PCDH15: variants seen among roughly 807,000 people sequenced by gnomAD.
PCDH15 encodes protocadherin-15.
PCDH15 carries 129 observed loss-of-function variants against 178.5 expected under a neutral mutation model. That is an observed-to-expected ratio of 0.72 (90% CI 0.63 to 0.84). The LOEUF (loss-of-function observed/expected upper bound fraction) is 0.84, where lower values mean the gene tolerates loss of function less well. Among genes scored for constraint, PCDH15 ranks in the 40% least tolerant of loss-of-function variants. PCDH15 has a pLI of 0.00. For synonymous variants in PCDH15, 800 were observed against 732.0 expected, an observed-to-expected ratio of 1.09 and a Z score of -1.50; for missense variants, 2,230 against 2,099.9, an observed-to-expected ratio of 1.06 and a Z score of -1.21.
chr10:54,912,360 G>A (rs1335799371), intron 2 of PCDH15, among the ~76,000 whole-genome samples: 1 of 151,966 alleles, frequency 6.6e-6, no homozygotes, highest in East Asian at 1.9e-4. Flanking sequence ...ACTGGGTCAT[G>A]GAGCAGATTT....
intron 1 of PCDH15, among the ~76,000 whole-genome samples, chr10:55,314,670 T>G (rs572148295): frequency 4.6e-5 from 7 of 152,298 alleles, no homozygotes; most frequent in Admixed American, 1.3e-4. Flanking sequence ...TTATATTTCT[T>G]AAAATCCAAA....
intron 1 of PCDH15, among the ~76,000 whole-genome samples, chr10:55,274,185 AT>A (rs1176306589): frequency 2.0e-5 from 3 of 152,112 alleles, no homozygotes; most frequent in African/African-American, 7.2e-5. Flanking sequence ...TTGCCAACAC[AT>A]TTGAAACAGG....
At chr10:53,835,381 A>G (rs2077247856) in intron 29 of PCDH15, among the ~76,000 whole-genome samples, 3 of 152,198 alleles carry the variant, frequency 2.0e-5, no homozygotes, top group Admixed American at 6.5e-5. Context: ...TTTTAATTAA[A>G]CTATATTTTA....
At chr10:53,853,668 T>C (rs182385055) in intron 28 of PCDH15, among the ~76,000 whole-genome samples, 1 of 152,192 alleles carries the variant, frequency 6.6e-6, no homozygotes, top group East Asian at 1.9e-4. Context: ...CCTGAAAAGA[T>C]GCTCATCATC....
chr10:53,978,278 C>T (rs1014659879), intron 21 of PCDH15, among the ~76,000 whole-genome samples: 1 of 152,180 alleles, frequency 6.6e-6, no homozygotes, highest in Non-Finnish European at 1.5e-5. Flanking sequence ...CCTCTGAAAT[C>T]TAGGCAGAGG....
chr10:54,870,118 T>C (rs2131792933), intron 3 of PCDH15, among the ~76,000 whole-genome samples: 1 of 152,302 alleles, frequency 6.6e-6, no homozygotes, highest in East Asian at 1.9e-4. Flanking sequence ...ATAGTTGATT[T>C]CCATTAAGTT....
chr10:55,021,497 C>T (rs918337817), intron 2 of PCDH15, among the ~76,000 whole-genome samples: 2 of 152,194 alleles, frequency 1.3e-5, no homozygotes, highest in African/African-American at 4.8e-5. Context: ...CATCATCCTT[C>T]AGAATTTGGT....
At chr10:54,338,253 G>A (rs551724229) in intron 6 of PCDH15, among the ~76,000 whole-genome samples, 15 of 152,204 alleles carry the variant, frequency 9.9e-5, no homozygotes, top group African/African-American at 3.4e-4. Context: ...AGTAAAATGA[G>A]AATATTATGA....
intron 2 of PCDH15, among the ~76,000 whole-genome samples, chr10:55,111,887 TC>T (rs1392976358): frequency 1.3e-5 from 2 of 152,272 alleles, no homozygotes; most frequent in Admixed American, 6.5e-5. Context: ...AAGTTCTTTT[TC>T]AAATTGCTGT....
At chr10:53,841,025 G>A (rs944129751) in intron 28 of PCDH15, among the ~76,000 whole-genome samples, 7 of 152,126 alleles carry the variant, frequency 4.6e-5, no homozygotes, top group Admixed American at 3.3e-4. Flanking sequence ...GGATTACCAC[G>A]TTAAGATAAA....
chr10:54,122,030 CACAG>C (rs1481908349), intron 15 of PCDH15, among the ~76,000 whole-genome samples: 1 of 150,228 alleles, frequency 6.7e-6, no homozygotes, highest in Non-Finnish European at 1.5e-5. Flanking sequence ...CACACACACA[CACAG>C]AGACAGACAC....
At chr10:53,809,408 T>C in intron 37 of PCDH15, 1 of 1,614,014 alleles carries the variant, frequency 6.2e-7, no homozygotes, top group Non-Finnish European at 8.5e-7. Flanking sequence ...TTAAAAATCA[T>C]GGGGAATATT....
intron 28 of PCDH15, among the ~76,000 whole-genome samples, chr10:53,842,890 G>A (rs999175837): frequency 1.3e-5 from 2 of 152,130 alleles, no homozygotes; most frequent in Non-Finnish European, 2.9e-5. Flanking sequence ...CTTCTCCAGT[G>A]CATTTTGGCA....
At position 54,752,487 on chromosome 10, in the gene PCDH15, A is replaced by C. The variant is rs998896913; in HGVS notation, c.-29+48438T>G. ...ACGAGACTCCGTCTCAAAAAAAAAA[A>C]AAAACAAAAAACAAAAAACAAAAAA... On this transcript the variant is annotated intron_variant, in intron 1 of 37. Coordinates refer to ENST00000644397, the MANE Select transcript of PCDH15 (RefSeq NM_001384140.1). Among the ~76,000 whole-genome samples, 7 of 93,096 alleles carry C rather than the reference A, an allele frequency of 7.5e-5. 1 individual carries two copies. The highest frequency in any genetic ancestry group is 2.2e-4 in the African/African-American group (6 of 27,292). 61.1% of individuals were successfully genotyped at this position (93,096 alleles called of 152,430 possible).
At chr10:55,570,627 G>A (rs1024648040) in intron 2 of PCDH15, among the ~76,000 whole-genome samples, 1 of 151,752 alleles carries the variant, frequency 6.6e-6, no homozygotes, top group African/African-American at 2.4e-5. Context: ...ATGTCTTCTT[G>A]TATAAAGTAA....
intron 1 of PCDH15, among the ~76,000 whole-genome samples, chr10:55,238,416 CT>C (rs1439321107): frequency 6.6e-6 from 1 of 152,046 alleles, no homozygotes; most frequent in African/African-American, 2.4e-5. Flanking sequence ...TCCCAAAGTG[CT>C]GGGATTAAAG....
At chr10:54,670,162 T>C (rs2094637220) in intron 1 of PCDH15, among the ~76,000 whole-genome samples, 1 of 152,192 alleles carries the variant, frequency 6.6e-6, no homozygotes, top group Non-Finnish European at 1.5e-5. Context: ...AAATCATTTT[T>C]AAAATTAAGA....
At chr10:54,961,656 C>T (rs541227040) in intron 2 of PCDH15, among the ~76,000 whole-genome samples, 15 of 152,268 alleles carry the variant, frequency 9.9e-5, no homozygotes, top group South Asian at 6.2e-4. Flanking sequence ...CTACCCACTT[C>T]GGGATTCCTC....
At chr10:53,846,053 C>CACACAA (rs1225572750) in intron 28 of PCDH15, among the ~76,000 whole-genome samples, 10 of 147,370 alleles carry the variant, frequency 6.8e-5, no homozygotes, top group African/African-American at 1.2e-4. Context: ...CACACACAAA[C>CACACAA]AAAAAAAGAA....
Sources: gnomAD v4.1 joint callset for allele counts (sites outside exome capture counted in the v4.1 genomes callset) on GRCh38, gnomAD v4.1.1 for gene constraint, MANE v1.5 for transcripts, NCBI Gene and HGNC (gene_info 2026-07-23, HGNC 2026-07-21) for gene names.